The following ARID4A variants were observed in gnomAD, a reference collection of about 807,000 sequenced individuals.
The protein encoded by ARID4A is AT-rich interaction domain 4A.
In ARID4A, 39 loss-of-function variants were observed where a neutral mutation model predicts 148.6. The ratio of observed to expected loss-of-function variants is 0.26; its 90% CI spans 0.20 to 0.34. The LOEUF (loss-of-function observed/expected upper bound fraction) is 0.34. Ranked by LOEUF, ARID4A falls within the 10% of genes least tolerant of loss-of-function variation. The pLI, the probability that ARID4A is intolerant of heterozygous loss-of-function variation, is 1.00. For missense variants in ARID4A, 1,265 were observed against 1,449.1 expected, an observed-to-expected ratio of 0.87 and a Z score of 2.06; for synonymous variants, 475 against 481.2, an observed-to-expected ratio of 0.99 and a Z score of 0.17.
chr14:58,362,470 G>GT (rs1388446669), intron 19 of ARID4A, among the ~76,000 whole-genome samples: 2 of 151,652 alleles, frequency 1.3e-5, no homozygotes, highest in African/African-American at 4.8e-5. Flanking sequence ...TGCACCTGTG[G>GT]TCCCAGCTAC....
intron 19 of ARID4A, among the ~76,000 whole-genome samples, chr14:58,363,539 A>C (rs1413866423): frequency 6.6e-6 from 1 of 152,042 alleles, no homozygotes; most frequent in Non-Finnish European, 1.5e-5. Context: ...ATCTCTACTA[A>C]AATACAAAAA....
At chr14:58,311,624 G>A (rs1009793434) in intron 5 of ARID4A, among the ~76,000 whole-genome samples, 1 of 152,138 alleles carries the variant, frequency 6.6e-6, no homozygotes, top group Non-Finnish European at 1.5e-5. Flanking sequence ...TGTCAGAGAT[G>A]TATCTGTATT....
intron 11 of ARID4A, among the ~76,000 whole-genome samples, chr14:58,333,945 A>T (rs1442310086): frequency 6.6e-6 from 1 of 152,164 alleles, no homozygotes; most frequent in Non-Finnish European, 1.5e-5. Flanking sequence ...TAAAAAGCCA[A>T]CCTTCCATGA....
chr14:58,341,383 C>T (rs745318245), intron 11 of ARID4A, among the ~76,000 whole-genome samples: 41 of 152,336 alleles, frequency 2.7e-4, no homozygotes, highest in South Asian at 4.1e-4. Flanking sequence ...GCTGTTTGCC[C>T]ATTTGCTGTA....
In ARID4A at chr14:58,364,926, A is replaced by T; in HGVS notation, c.2837A>T (p.Glu946Val). Residue 946 changes from glutamate to valine, a missense_variant, in exon 20 of 24, where the codon GAG (glutamate) becomes GTG (valine). Glu to Val is a moderately radical substitution (Grantham distance 121, BLOSUM62 -2). Around this residue, in one of 9 missense-constraint regions of ARID4A, gnomAD observed 666 missense variants for 730.9 expected, o/e 0.91. Coordinates refer to ENST00000355431, the MANE Select transcript of ARID4A (RefSeq NM_002892.4). ...ETVNIPLKED[E>V]DAMPLIGPET... ...GTAAATATTCCACTAAAAGAAGATG[A>T]GGATGCAATGCCTCTGATCGGGCCT... 6.2e-7 allele frequency: 1 copy of T among 1,614,188 alleles called. No individual in the cohort carries two copies. Among genetic ancestry groups the T allele is most frequent in the Non-Finnish European group, 8.5e-7 (1 of 1,180,020 alleles).
In ARID4A at chr14:58,330,037, A is replaced by G. The variant is rs751481176; in HGVS notation, c.774A>G (p.Arg258=). The G allele has an allele frequency of 6.2e-7, 1 of 1,611,600 alleles. No individual in the cohort carries two copies. Among genetic ancestry groups the G allele is most frequent in the Admixed American group, 1.7e-5 (1 of 59,210 alleles). ...LQKASIFLKT[R]VVPDNWKMDI... ...AAGCAAGCATCTTCTTAAAAACTAGAGTTGTTCCTGATAATTGGAAAATGG... is the reference window on the plus strand; with the variant it reads ...AAGCAAGCATCTTCTTAAAAACTAGGGTTGTTCCTGATAATTGGAAAATGG... Residue 258 remains arginine, a synonymous_variant, in exon 11 of 24, where the codon AGA becomes AGG. Coordinates refer to ENST00000355431, the MANE Select transcript of ARID4A (RefSeq NM_002892.4).
chr14:58,364,488 A>C lies in ARID4A; in HGVS notation c.2399A>C (p.Lys800Thr), dbSNP rs747316184. The C allele has an allele frequency of 1.3e-5, 21 of 1,612,688 alleles. No homozygotes were observed. The Admixed American group carries it at 3.0e-4, about 23-fold the overall frequency. ...GGAAAGGGAAGACGAAGCAAGACAA[A>C]AGATCTTTCTTTAGAAATTATAAAG... ...PKGKGRRSKT[K>T]DLSLEIIKIS... is the part of the protein sequence containing the mutation. Residue 800 changes from lysine to threonine, a missense_variant, in exon 20 of 24, where the codon AAA becomes ACA. By Grantham distance (78) the Lys-to-Thr change is moderately conservative (BLOSUM62 -1). Coordinates refer to ENST00000355431, the MANE Select transcript of ARID4A (RefSeq NM_002892.4).
chr14:58,340,672 AC>A (rs1474950483), intron 11 of ARID4A, among the ~76,000 whole-genome samples: 1 of 150,576 alleles, frequency 6.6e-6, no homozygotes, highest in African/African-American at 2.4e-5. Context: ...TTTAGTAGAG[AC>A]GGGACTTCAC....
rs907607975 is a variant in ARID4A, at chr14:58,372,430, GT to G, written c.*449del. The G allele has an allele frequency of 2.2e-5, 5 of 230,190 alleles. No individual in the cohort carries two copies. Among genetic ancestry groups the G allele is most frequent in the Admixed American group, 1.1e-4 (2 of 17,636 alleles). 14.3% of individuals were successfully genotyped at this position (230,190 alleles called of 1,614,324 possible). A position where few individuals can be genotyped will look rare whatever the true frequency, so the allele number is the denominator to read the frequency against. ...TTGGTGAGTAGGGGGTTTATGTTGT[GT>G]TTTTTTTCATTATCGTTTTTTTTAT... On this transcript the variant is annotated 3_prime_UTR_variant, in exon 24 of 24. Coordinates refer to ENST00000355431, the MANE Select transcript of ARID4A (RefSeq NM_002892.4).
At chr14:58,300,665 C>T (rs1057470) in intron 2 of ARID4A, among the ~76,000 whole-genome samples, 2 of 152,080 alleles carry the variant, frequency 1.3e-5, no homozygotes, top group Admixed American at 6.5e-5. Flanking sequence ...ACATATTTAA[C>T]CTTCTTTAAT....
intron 23 of ARID4A, among the ~76,000 whole-genome samples, chr14:58,368,672 T>C (rs763032420): frequency 1.3e-5 from 2 of 152,312 alleles, no homozygotes; most frequent in Non-Finnish European, 2.9e-5. Context: ...TAGAAGTGTT[T>C]GGGTTTTTTA....
intron 23 of ARID4A, among the ~76,000 whole-genome samples, chr14:58,369,868 G>T (rs1291101927): frequency 6.6e-6 from 1 of 152,124 alleles, no homozygotes; most frequent in East Asian, 1.9e-4. Context: ...GACCTAGAAA[G>T]CAACTATTCC....
At chr14:58,328,393 C>T in intron 9 of ARID4A, 77 bp downstream of exon 9, 1 of 947,680 alleles carries the variant, frequency 1.1e-6, no homozygotes, top group Non-Finnish European at 1.6e-6. Context: ...ACCTCCCCCA[C>T]CAAAACTTTA....
intron 11 of ARID4A, among the ~76,000 whole-genome samples, chr14:58,333,607 T>C (rs2033649220): frequency 6.6e-6 from 1 of 152,138 alleles, no homozygotes; most frequent in African/African-American, 2.4e-5. Flanking sequence ...GGGAATTGTT[T>C]AGGGACCACT....
intron 5 of ARID4A, among the ~76,000 whole-genome samples, 191 bp from the exon 6 acceptor site, chr14:58,318,351 C>T (rs1402056185): frequency 6.6e-6 from 1 of 152,060 alleles, no homozygotes; most frequent in Non-Finnish European, 1.5e-5. Flanking sequence ...AGCCATTTAA[C>T]CTGTGTTTTT....
rs71107934 is a variant in ARID4A, at chr14:58,319,521, C to CTTTT, written c.449+752_449+755dup. 1.8e-4 allele frequency among the ~76,000 whole-genome samples: 11 copies of CTTTT among 62,096 alleles called. 2 individuals are homozygous for CTTTT. Among genetic ancestry groups the CTTTT allele is most frequent in the African/African-American group, 6.6e-4 (10 of 15,194 alleles). 40.7% of individuals were successfully genotyped at this position (62,096 alleles called of 152,430 possible). On this transcript the variant is annotated intron_variant, in intron 7 of 23. Coordinates refer to ENST00000355431, the MANE Select transcript of ARID4A (RefSeq NM_002892.4). The stretch of plus-strand genomic sequence containing the variant: ...ATCTGTGTATGAATGTCTATATACT[C>CTTTT]TTTTTTTTTTTTTTTTTTTTTTTTT...
rs770996402 is a variant in ARID4A, at chr14:58,318,708, C to T, written c.355-3C>T. On this transcript the variant is annotated splice_region_variant and splice_polypyrimidine_tract_variant and intron_variant, in intron 6 of 23. Coordinates refer to ENST00000355431, the MANE Select transcript of ARID4A (RefSeq NM_002892.4). ...TAATTTAATTAATCTATTTCTTATA[C>T]AGACACTTGACCAGCTTCCATTAAC... 1.9e-6 allele frequency: 3 copies of T among 1,613,828 alleles called. No individual in the cohort carries two copies. Among genetic ancestry groups the T allele is most frequent in the Non-Finnish European group, 2.5e-6 (3 of 1,179,726 alleles).
At chr14:58,370,234 A>C (rs567672210) in intron 23 of ARID4A, among the ~76,000 whole-genome samples, 1 of 152,242 alleles carries the variant, frequency 6.6e-6, no homozygotes, top group African/African-American at 2.4e-5. Flanking sequence ...AATTTCTTCA[A>C]AGAACCCACC....
At chr14:58,329,664 A>G in intron 10 of ARID4A, 60 bp downstream of exon 10, 2 of 1,376,314 alleles carry the variant, frequency 1.5e-6, no homozygotes, top group Non-Finnish European at 2.1e-6. Flanking sequence ...GAAAATAGCA[A>G]ATAAAGCAAG....
Sources: gnomAD v4.1 joint callset for allele counts (sites outside exome capture counted in the v4.1 genomes callset) on GRCh38, gnomAD v4.1.1 for gene constraint, gnomAD v4.1.1 regional missense constraint, MANE v1.5 for transcripts, NCBI Gene and HGNC (gene_info 2026-07-23, HGNC 2026-07-21) for gene names.